Variants in ZZZ3 observed in about 807,000 individuals in gnomAD.
ZZZ3 encodes ZZ-type zinc finger-containing protein 3.
Under a neutral mutation model 95.2 loss-of-function variants are expected in ZZZ3, and 22 were observed. That is an observed-to-expected ratio of 0.23 (90% CI 0.17 to 0.33). The LOEUF is 0.33. Ranked by LOEUF, ZZZ3 falls within the 10% of genes least tolerant of loss-of-function variation. The probability of loss-of-function intolerance (pLI) is 1.00; values close to 1 mark genes in which losing one functional copy is unlikely to be tolerated. For synonymous variants in ZZZ3, 335 were observed against 358.9 expected, an observed-to-expected ratio of 0.93 and a Z score of 0.75; for missense variants, 885 against 1,066.5, an observed-to-expected ratio of 0.83 and a Z score of 2.37.
At position 77,619,046 on chromosome 1, in the gene ZZZ3, A is replaced by G. The variant is rs2351251; in HGVS notation, c.1505+12804T>C. Among the ~76,000 whole-genome samples the G allele has an allele frequency of 2.5e-3, 381 of 152,266 alleles. 1 individual carries two copies. Among genetic ancestry groups the G allele is most frequent in the African/African-American group, 8.8e-3 (367 of 41,570 alleles). On this transcript the variant is annotated intron_variant, in intron 5 of 14. Transcript: ENST00000370801. ...CTAACAGAATAAAAATTTCACAATCATCTAGAAAAAAACCCCTGACAACCA... is the reference window on the plus strand; with the variant it reads ...CTAACAGAATAAAAATTTCACAATCGTCTAGAAAAAAACCCCTGACAACCA...
chr1:77,650,002 G>A (rs1669658002), intron 1 of ZZZ3, among the ~76,000 whole-genome samples: 2 of 152,206 alleles, frequency 1.3e-5, no homozygotes, highest in Middle Eastern at 3.4e-3. Flanking sequence ...TGGGAAAGGG[G>A]ACATACAATG....
chr1:77,664,817 A>T (rs1438149630), intron 1 of ZZZ3, among the ~76,000 whole-genome samples: 2 of 152,246 alleles, frequency 1.3e-5, no homozygotes, highest in African/African-American at 4.8e-5. Flanking sequence ...GTATTTAAGA[A>T]AGTTTATTTT....
At chr1:77,678,327 T>G (rs1672450192) in intron 1 of ZZZ3, among the ~76,000 whole-genome samples, 1 of 151,906 alleles carries the variant, frequency 6.6e-6, no homozygotes, top group Non-Finnish European at 1.5e-5. Context: ...CAAAGGAAGT[T>G]CCATACACAG....
intron 5 of ZZZ3, among the ~76,000 whole-genome samples, chr1:77,623,169 T>C (rs1667038410): frequency 6.6e-6 from 1 of 152,176 alleles, no homozygotes; most frequent in Non-Finnish European, 1.5e-5. Context: ...ATTATCACCC[T>C]CTCTTTCTAC....
intron 5 of ZZZ3, among the ~76,000 whole-genome samples, chr1:77,590,065 A>G (rs1202892547): frequency 6.6e-6 from 1 of 152,270 alleles, no homozygotes; most frequent in East Asian, 1.9e-4. Flanking sequence ...AACTCATTAA[A>G]TAGTGTCATT....
At chr1:77,604,969 G>A (rs898856311) in intron 5 of ZZZ3, among the ~76,000 whole-genome samples, 3 of 152,084 alleles carry the variant, frequency 2.0e-5, no homozygotes, top group Non-Finnish European at 2.9e-5. Context: ...CTAAAGAGGG[G>A]CAGAGCAAGA....
intron 5 of ZZZ3, among the ~76,000 whole-genome samples, chr1:77,587,529 G>T (rs1246447552): frequency 1.3e-5 from 2 of 152,176 alleles, no homozygotes; most frequent in Non-Finnish European, 2.9e-5. Flanking sequence ...CTCCCAAAGT[G>T]CTGGGATTAC....
chr1:77,582,138 G>T lies in ZZZ3; in HGVS notation c.1645-12C>A. On this transcript the variant is annotated splice_polypyrimidine_tract_variant and intron_variant, in intron 6 of 14. Transcript: ENST00000370801. The stretch of plus-strand genomic sequence containing the variant: ...AGCCCAATATCAGCCTGGAGGCAGG[G>T]GAGAAAAAACAAAATAAAGTAAAAG... The T allele has an allele frequency of 4.5e-6, 7 of 1,567,848 alleles. No homozygotes were observed. Among genetic ancestry groups the T allele is most frequent in the Non-Finnish European group, 5.2e-6 (6 of 1,164,400 alleles).
At chr1:77,634,822 G>A (rs755651374) in intron 4 of ZZZ3, among the ~76,000 whole-genome samples, 5 of 152,142 alleles carry the variant, frequency 3.3e-5, no homozygotes, top group African/African-American at 7.2e-5. Flanking sequence ...TAAAGGAGCT[G>A]TTAATATTTG....
intron 5 of ZZZ3, among the ~76,000 whole-genome samples, chr1:77,622,231 G>A (rs376612485): frequency 8.1e-4 from 123 of 151,716 alleles, no homozygotes; most frequent in Middle Eastern, 3.4e-3. Flanking sequence ...TGCTTGAGCC[G>A]GAGGGGCTGA....
At chr1:77,658,456 C>T (rs1205409782) in intron 1 of ZZZ3, among the ~76,000 whole-genome samples, 1 of 151,606 alleles carries the variant, frequency 6.6e-6, no homozygotes. Context: ...AACCTCCCAG[C>T]TTAGCCTCCC....
chr1:77,596,928 G>A (rs1386540628), intron 5 of ZZZ3, among the ~76,000 whole-genome samples: 1 of 151,988 alleles, frequency 6.6e-6, no homozygotes, highest in Admixed American at 6.6e-5. Flanking sequence ...ATATACATGG[G>A]TTCATATACA....
chr1:77,632,274 C>A lies in ZZZ3; in HGVS notation c.1081G>T (p.Val361Phe). The A allele has an allele frequency of 6.2e-7, 1 of 1,614,090 alleles. No individual in the cohort carries two copies. The change falls in exon 5 of 15, where the codon GTT becomes TTT. Residue 361 changes from valine (V) to phenylalanine (F), a missense_variant. By Grantham distance (50) the Val-to-Phe change is conservative. Around this residue, in one of 5 missense-constraint regions of ZZZ3, gnomAD observed 556 missense variants for 652.9 expected, o/e 0.85. Coordinates refer to ENST00000370801, the MANE Select transcript of ZZZ3 (RefSeq NM_015534.6). ...EPEPSPVLDC[V>F]SAQMMSLSEP... ...GATAAAGACATCATTTGAGCTGAAACACAGTCTAGAACAGGAGATGGTTCA... is the reference window on the plus strand; with the variant it reads ...GATAAAGACATCATTTGAGCTGAAAAACAGTCTAGAACAGGAGATGGTTCA...
At chr1:77,591,800 CA>C (rs1193095873) in intron 5 of ZZZ3, among the ~76,000 whole-genome samples, 3 of 151,828 alleles carry the variant, frequency 2.0e-5, no homozygotes, top group East Asian at 3.9e-4. Flanking sequence ...TTAAAATGAG[CA>C]AAGAAAAAAA....
At chr1:77,639,679 TAAG>T (rs1444916754) in intron 3 of ZZZ3, 77 bp from the exon 4 acceptor site, 2 of 375,138 alleles carry the variant, frequency 5.3e-6, no homozygotes, top group Non-Finnish European at 9.4e-6. Flanking sequence ...CCTTCTATAA[TAAG>T]AAGAAATACA....
intron 1 of ZZZ3, among the ~76,000 whole-genome samples, chr1:77,663,061 C>T (rs915889044): frequency 2.0e-5 from 3 of 151,382 alleles, no homozygotes; most frequent in Admixed American, 6.6e-5. Context: ...ACCATGATCA[C>T]GCTACTGCAC....
In ZZZ3 at chr1:77,657,020, G is replaced by A. The variant is rs188757358; in HGVS notation, c.-402-15365C>T. Among the ~76,000 whole-genome samples the A allele has an allele frequency of 4.7e-3, 712 of 152,132 alleles. 3 individuals carry two copies. The highest frequency in any genetic ancestry group is 6.9e-3 in the Non-Finnish European group (472 of 68,002). On this transcript the variant is annotated intron_variant, in intron 1 of 14. Coordinates refer to ENST00000370801, the MANE Select transcript of ZZZ3 (RefSeq NM_015534.6). ...CTTTTCGAGACAGTCTCACTTTGTCGTCCAGGCTGGAGTGCAGCGGTATGA... is the reference window on the plus strand; with the variant it reads ...CTTTTCGAGACAGTCTCACTTTGTCATCCAGGCTGGAGTGCAGCGGTATGA...
chr1:77,575,311 A>C (rs1661820059), intron 12 of ZZZ3, among the ~76,000 whole-genome samples: 1 of 152,236 alleles, frequency 6.6e-6, no homozygotes, highest in Non-Finnish European at 1.5e-5. Context: ...CCAGCAAGTA[A>C]ATGAAGAAAT....
At chr1:77,650,564 G>C (rs1557762893) in intron 1 of ZZZ3, among the ~76,000 whole-genome samples, 3 of 151,662 alleles carry the variant, frequency 2.0e-5, no homozygotes, top group Non-Finnish European at 4.4e-5. Context: ...AAAATCTCTG[G>C]GGAACAGCAA....
Sources: gnomAD v4.1 joint callset for allele counts (sites outside exome capture counted in the v4.1 genomes callset) on GRCh38, gnomAD v4.1.1 for gene constraint, gnomAD v4.1.1 regional missense constraint, MANE v1.5 for transcripts, NCBI Gene and HGNC (gene_info 2026-07-23, HGNC 2026-07-21) for gene names.